ADCY3: variants seen among roughly 807,000 people sequenced by gnomAD.
The protein encoded by ADCY3 is adenylate cyclase type 3.
Under a neutral mutation model 119.4 loss-of-function variants are expected in ADCY3, and 70 were observed. The observed-to-expected ratio is 0.59, with a 90% confidence interval of 0.48 to 0.72. ADCY3 has a LOEUF of 0.72. Ranked by LOEUF, ADCY3 falls within the 30% of genes least tolerant of loss-of-function variation. The probability of loss-of-function intolerance (pLI) is 0.00; values close to 1 mark genes in which losing one functional copy is unlikely to be tolerated. For missense variants in ADCY3, 1,238 were observed against 1,541.6 expected, an observed-to-expected ratio of 0.80 and a Z score of 3.30; for synonymous variants, 672 against 621.4, an observed-to-expected ratio of 1.08 and a Z score of -1.21.
At chr2:24,849,010 AT>A (rs1671980268) in intron 3 of ADCY3, among the ~76,000 whole-genome samples, 1 of 152,112 alleles carries the variant, frequency 6.6e-6, no homozygotes, top group African/African-American at 2.4e-5. Context: ...GAGGGCGCAG[AT>A]GTGTGAGGAG....
intron 17 of ADCY3, among the ~76,000 whole-genome samples, chr2:24,823,833 A>AG (rs1253003388): frequency 6.6e-6 from 1 of 152,092 alleles, no homozygotes; most frequent in East Asian, 1.9e-4. Context: ...CTGGGACGAC[A>AG]GGTGTGCACC....
chr2:24,839,829 C>A (rs764068209), intron 7 of ADCY3, 44 bp downstream of exon 7: 3 of 1,612,486 alleles, frequency 1.9e-6, no homozygotes, highest in South Asian at 2.2e-5. Flanking sequence ...AGGGGACGGT[C>A]CCCTCCCCAG....
intron 9 of ADCY3, 148 bp from the exon 10 acceptor site, chr2:24,835,084 G>C: frequency 8.9e-7 from 1 of 1,125,738 alleles, no homozygotes; most frequent in Non-Finnish European, 1.2e-6. Context: ...TTTCCGGGAA[G>C]TCTTCCCCAT....
At position 24,899,675 on chromosome 2, in the gene ADCY3, G is replaced by A. The variant is rs777450483; in HGVS notation, c.675+18638C>T. 9.2e-5 allele frequency among the ~76,000 whole-genome samples: 14 copies of A among 152,226 alleles called. No homozygotes were observed. Among genetic ancestry groups the A allele is most frequent in the Non-Finnish European group, 2.1e-4 (14 of 68,038 alleles). On this transcript the variant is annotated intron_variant, in intron 2 of 21. Coordinates refer to ENST00000679454, the MANE Select transcript of ADCY3 (RefSeq NM_004036.5). This position sits in a 1 kb window ranked among gnomAD's most constrained non-coding sequence, Gnocchi z 4.5. ...GCAGAGGCATCTCATCCCCTTGAGA[G>A]GAAACTACAGTTACCATAGAGGGGT...
chr2:24,850,978 C>T (rs930667566), intron 3 of ADCY3, among the ~76,000 whole-genome samples: 2 of 152,154 alleles, frequency 1.3e-5, no homozygotes, highest in African/African-American at 2.4e-5. Context: ...CTTGGACGAC[C>T]GAATTAGGGA....
rs1224134810 is a variant in ADCY3 at position 24,853,003 on chromosome 2, A to AGG, written c.826-10621_826-10620dup. 2.1e-4 allele frequency among the ~76,000 whole-genome samples: 20 copies of AGG among 96,176 alleles called. 1 individual carries two copies. Among genetic ancestry groups the AGG allele is most frequent in the African/African-American group, 1.0e-3 (17 of 16,868 alleles). The allele number at this position is 96,176 out of a possible 152,430, so 63.1% of individuals were successfully genotyped here. On this transcript the variant is annotated intron_variant, in intron 3 of 21. Coordinates refer to ENST00000679454, the MANE Select transcript of ADCY3 (RefSeq NM_004036.5). ...AGATTTGAAGGAAAGGAACAGCTGGAGGGTGTGTGTGTGTGTGTGTGTGTG... is the reference window on the plus strand; with the variant it reads ...AGATTTGAAGGAAAGGAACAGCTGGAGGGGGTGTGTGTGTGTGTGTGTGTGTG...
At chr2:24,892,464 G>A (rs563791703) in intron 2 of ADCY3, among the ~76,000 whole-genome samples, 1 of 152,296 alleles carries the variant, frequency 6.6e-6, no homozygotes, top group East Asian at 1.9e-4. Context: ...TGTTAGCCAG[G>A]ATGGTCTCGA....
intron 3 of ADCY3, among the ~76,000 whole-genome samples, chr2:24,853,237 C>T (rs1051316302): frequency 1.3e-5 from 2 of 152,092 alleles, no homozygotes; most frequent in African/African-American, 2.4e-5. Flanking sequence ...GAAATGGCTG[C>T]GCGCCTCAGG....
rs1670004718 is a variant in ADCY3 at position 24,834,400 on chromosome 2, C to T, written c.1967+85G>A. On this transcript the variant is annotated intron_variant, in intron 11 of 21. Coordinates refer to ENST00000679454, the MANE Select transcript of ADCY3 (RefSeq NM_004036.5). The surrounding 1 kb of genome is among the most constrained non-coding windows in gnomAD (Gnocchi z 4.2). ...GACTGGCTTGCTCCCCAATGTCAGGCTCCCGCTGAGACACCTGCCCCCGCC... is the reference window on the plus strand; with the variant it reads ...GACTGGCTTGCTCCCCAATGTCAGGTTCCCGCTGAGACACCTGCCCCCGCC... 7.9e-7 allele frequency: 1 copy of T among 1,271,870 alleles called. No homozygotes were observed. Among genetic ancestry groups the T allele is most frequent in the Non-Finnish European group, 1.1e-6 (1 of 921,612 alleles). The allele number at this position is 1,271,870 out of a possible 1,614,324, so 78.8% of individuals were successfully genotyped here.
Position 24,819,281 on chromosome 2 carries a change from A to G in ADCY3, c.*651T>C, listed in dbSNP as rs1667162276. On this transcript the variant is annotated 3_prime_UTR_variant, in exon 22 of 22. Transcript: ENST00000679454. ...TAGCAAGAGCTCAAAAGGCAAGGCA[A>G]TATCGGAAAGTGTATTTAACAGAAG... The G allele has an allele frequency of 6.5e-6, 1 of 152,704 alleles. No individual in the cohort carries two copies. Among genetic ancestry groups the G allele is most frequent in the Non-Finnish European group, 1.5e-5 (1 of 68,052 alleles). The allele number at this position is 152,704 out of a possible 1,614,324, so 9.5% of individuals were successfully genotyped here. A position where few individuals can be genotyped will look rare whatever the true frequency, so the allele number is the denominator to read the frequency against.
intron 3 of ADCY3, among the ~76,000 whole-genome samples, chr2:24,843,088 T>C (rs1465234116): frequency 3.3e-5 from 5 of 152,180 alleles, no homozygotes; most frequent in African/African-American, 4.8e-5. Context: ...GAGGCAGCCG[T>C]GTACACAAAC....
chr2:24,868,160 T>C (rs1674526661), intron 3 of ADCY3, among the ~76,000 whole-genome samples: 1 of 152,142 alleles, frequency 6.6e-6, no homozygotes, highest in African/African-American at 2.4e-5. Flanking sequence ...AAAAACAACA[T>C]AATTGTAAAC....
intron 8 of ADCY3, among the ~76,000 whole-genome samples, chr2:24,838,191 C>T (rs531249119): frequency 1.9e-4 from 29 of 152,122 alleles, no homozygotes; most frequent in Non-Finnish European, 1.0e-4. Flanking sequence ...ACATCTCCAG[C>T]GGCCCCCTCC....
At chr2:24,860,014 G>A (rs1673446099) in intron 3 of ADCY3, among the ~76,000 whole-genome samples, 2 of 152,220 alleles carry the variant, frequency 1.3e-5, no homozygotes, top group African/African-American at 4.8e-5. Flanking sequence ...GGAGGACCAG[G>A]CACAGGGCCA....
Position 24,819,304 on chromosome 2 carries a change from A to T in ADCY3, c.*628T>A, listed in dbSNP as rs964064467. 6.5e-6 allele frequency: 1 copy of T among 152,674 alleles called. No individual in the cohort carries two copies. The highest frequency in any genetic ancestry group is 6.5e-5 in the Admixed American group (1 of 15,292). 9.5% of individuals were successfully genotyped at this position (152,674 alleles called of 1,614,324 possible). ...CAATATCGGAAAGTGTATTTAACAG[A>T]AGATTAAAAATATAAATGTAGAAGA... On this transcript the variant is annotated 3_prime_UTR_variant, in exon 22 of 22. Coordinates refer to ENST00000679454, the MANE Select transcript of ADCY3 (RefSeq NM_004036.5).
intron 2 of ADCY3, among the ~76,000 whole-genome samples, chr2:24,874,201 G>A (rs936287785): frequency 7.2e-5 from 11 of 152,180 alleles, no homozygotes; most frequent in South Asian, 4.1e-4. Flanking sequence ...GGCCCGTTGC[G>A]TGACGAATCA....
Position 24,842,758 on chromosome 2 carries a change from A to G in ADCY3, c.826-374T>C, listed in dbSNP as rs893277254. 6.6e-6 allele frequency among the ~76,000 whole-genome samples: 1 copy of G among 152,182 alleles called. No homozygotes were observed. Among genetic ancestry groups the G allele is most frequent in the Non-Finnish European group, 1.5e-5 (1 of 68,034 alleles). On this transcript the variant is annotated intron_variant, in intron 3 of 21. Transcript: ENST00000679454. This position sits in a 1 kb window ranked among gnomAD's most constrained non-coding sequence, Gnocchi z 4.9. ...TGCGGGGTCACCTCAGCCACCCGCC[A>G]CGGCTGCACAGAGCCATCGCTCACA...
Position 24,918,193 on chromosome 2 carries a change from C to A in ADCY3, c.675+120G>T. The stretch of plus-strand genomic sequence containing the variant: ...AGGGACTAGGGAGAGAGGTGAGAGC[C>A]CCGGAGGCCCCCAGGACACATTTTG... On this transcript the variant is annotated intron_variant, in intron 2 of 21. Transcript: ENST00000679454. This position sits in a 1 kb window ranked among gnomAD's most constrained non-coding sequence, Gnocchi z 5.4. 8.9e-7 allele frequency: 1 copy of A among 1,123,164 alleles called. No individual in the cohort carries two copies. Among genetic ancestry groups the A allele is most frequent in the South Asian group, 1.6e-5 (1 of 63,630 alleles). 69.6% of individuals were successfully genotyped at this position (1,123,164 alleles called of 1,614,324 possible).
chr2:24,852,251 C>T lies in ADCY3; in HGVS notation c.826-9867G>A, dbSNP rs573102604. 1.4e-4 allele frequency among the ~76,000 whole-genome samples: 21 copies of T among 152,288 alleles called. No homozygotes were observed. The East Asian group carries it at 3.3e-3, about 24-fold the overall frequency. On this transcript the variant is annotated intron_variant, in intron 3 of 21. Coordinates refer to ENST00000679454, the MANE Select transcript of ADCY3 (RefSeq NM_004036.5). ...TGATGTGTCTCCCAGCACCCCGGTC[C>T]GCTCCTCCTCTGCAATCCACTGTCC...
Sources: gnomAD v4.1 joint callset for allele counts (sites outside exome capture counted in the v4.1 genomes callset) on GRCh38, gnomAD v4.1.1 for gene constraint, Gnocchi (gnomAD v3.1) non-coding constraint, MANE v1.5 for transcripts, NCBI Gene and HGNC (gene_info 2026-07-23, HGNC 2026-07-21) for gene names.